The following ZNF783 variants were observed in gnomAD, a reference collection of about 807,000 sequenced individuals.
The protein encoded by ZNF783 is zinc finger protein 783.
In ZNF783, 25 loss-of-function variants were observed where a neutral mutation model predicts 31.3. That is an observed-to-expected ratio of 0.80 (90% CI 0.58 to 1.11). The LOEUF (loss-of-function observed/expected upper bound fraction) is 1.11, where lower values mean the gene tolerates loss of function less well. Among genes scored for constraint, ZNF783 ranks in the 50% most tolerant of loss-of-function variants. The probability of loss-of-function intolerance (pLI) is 0.00; values close to 1 mark genes in which losing one functional copy is unlikely to be tolerated. For missense variants in ZNF783, 797 were observed against 760.0 expected (o/e 1.05, Z -0.57); for synonymous variants, 369 against 319.1 (o/e 1.16, Z -1.66).
At chr7:149,276,688 T>TATTTA in intron 4 of ZNF783, 1 of 870,328 alleles carries the variant, frequency 1.1e-6, no homozygotes, top group Non-Finnish European at 1.4e-6. Context: ...TTTATTTATT[T>TATTTA]GAGACAGGGT....
At chr7:149,272,387 A>G (rs1323661438) in intron 4 of ZNF783, among the ~76,000 whole-genome samples, 1 of 152,162 alleles carries the variant, frequency 6.6e-6, no homozygotes, top group Non-Finnish European at 1.5e-5. Context: ...TTATTTGGGG[A>G]GAATTTATCT....
Position 149,266,399 on chromosome 7 carries a change from C to A in ZNF783, c.89C>A (p.Ala30Asp), listed in dbSNP as rs1228268280. ...TCGACACCCTTGCCCCAGCCAGCTG[C>A]TGAGAAGAACTCGTACCTCTACTCC... Reference protein sequence around the residue: ...SPSTPLPQPAAEKNSYLYSTE... With the variant: ...SPSTPLPQPADEKNSYLYSTE... Residue 30 changes from alanine (A) to aspartate (D), a missense_variant, in exon 2 of 6, where the codon GCT becomes GAT. Transcript: ENST00000434415. 7 of 1,600,398 alleles carry A rather than the reference C, an allele frequency of 4.4e-6. No individual in the cohort carries two copies. The South Asian group carries it at 7.7e-5, about 18-fold the overall frequency.
chr7:149,265,333 A>G (rs1296823711), intron 1 of ZNF783, among the ~76,000 whole-genome samples: 3 of 151,402 alleles, frequency 2.0e-5, no homozygotes, highest in African/African-American at 7.3e-5. Context: ...CTGAAGGACA[A>G]TGGAATAAAA....
At chr7:149,265,655 A>G (rs769301051) in intron 1 of ZNF783, among the ~76,000 whole-genome samples, 6 of 152,224 alleles carry the variant, frequency 3.9e-5, no homozygotes, top group Non-Finnish European at 7.4e-5. Context: ...GCTTCAGCAG[A>G]TGGATATTGA....
chr7:149,267,186 G>A lies in ZNF783; in HGVS notation c.637G>A (p.Glu213Lys), dbSNP rs1425035467. ...LDRWGQEKGN[E>K]VEVGRPRMMG... ...CCGGTGGGGCCAGGAGAAGGGGAAT[G>A]AAGTAGAGGTGGGACGTCCAAGGAT... Residue 213 changes from glutamate (E) to lysine (K), a missense_variant, in exon 4 of 6, where the codon GAA (glutamate) becomes AAA (lysine). By Grantham distance (56) the Glu-to-Lys change is moderately conservative (BLOSUM62 1). Transcript: ENST00000434415. 1.3e-6 allele frequency: 2 copies of A among 1,599,006 alleles called. No individual in the cohort carries two copies. Among genetic ancestry groups the A allele is most frequent in the Non-Finnish European group, 8.5e-7 (1 of 1,179,536 alleles).
At chr7:149,268,020 C>T (rs565359603) in intron 4 of ZNF783, among the ~76,000 whole-genome samples, 15 of 152,332 alleles carry the variant, frequency 9.8e-5, no homozygotes, top group Non-Finnish European at 1.6e-4. Flanking sequence ...GTATATAGGA[C>T]AGTGGTTCCA....
intron 5 of ZNF783, 94 bp from the exon 6 acceptor site, chr7:149,281,410 GC>G: frequency 1.7e-6 from 2 of 1,149,230 alleles, no homozygotes; most frequent in Non-Finnish European, 2.3e-6. Flanking sequence ...GGGAGATAGG[GC>G]CCGGGCTGAG....
chr7:149,268,072 T>C (rs2129524838), intron 4 of ZNF783, among the ~76,000 whole-genome samples: 1 of 152,302 alleles, frequency 6.6e-6, no homozygotes, highest in African/African-American at 2.4e-5. Flanking sequence ...GCTTTATTTT[T>C]TCAATTAAAT....
chr7:149,278,574 G>A (rs1382071578), intron 5 of ZNF783, 47 bp downstream of exon 5: 2 of 1,596,518 alleles, frequency 1.3e-6, no homozygotes, highest in Non-Finnish European at 1.7e-6. Context: ...TCCCGAGGCA[G>A]CACGCGATCA....
intron 4 of ZNF783, among the ~76,000 whole-genome samples, chr7:149,274,728 TG>T (rs1236064530): frequency 1.3e-5 from 2 of 152,252 alleles, no homozygotes; most frequent in African/African-American, 4.8e-5. Context: ...GGTTTATTTC[TG>T]GGTTCCCTCT....
At chr7:149,278,586 C>G in intron 5 of ZNF783, 59 bp downstream of exon 5, 1 of 1,593,514 alleles carries the variant, frequency 6.3e-7, no homozygotes, top group African/African-American at 1.3e-5. Flanking sequence ...ACGCGATCAC[C>G]AAGCGATGGT....
chr7:149,275,245 C>T (rs1003608122), intron 4 of ZNF783, among the ~76,000 whole-genome samples: 14 of 151,378 alleles, frequency 9.2e-5, no homozygotes, highest in Non-Finnish European at 2.1e-4. Context: ...TATATTGATT[C>T]CGTATGCTGC....
chr7:149,265,578 T>A (rs138196501), intron 1 of ZNF783, among the ~76,000 whole-genome samples: 2 of 152,310 alleles, frequency 1.3e-5, no homozygotes, highest in African/African-American at 4.8e-5. Context: ...TTATGAGGGC[T>A]CTGCCTTCAT....
rs1797514827 is a variant in ZNF783 at position 149,282,956 on chromosome 7, G to GGTTTTTT, written c.*614_*620dup. ...ACGTCCACCAGCCTGTGGGTCTTTT[G>GGTTTTTT]GTTTTTTTTTTGTTGTTGTTGTTGT... On this transcript the variant is annotated 3_prime_UTR_variant, in exon 6 of 6. Coordinates refer to ENST00000434415, the MANE Select transcript of ZNF783 (RefSeq NM_001195220.2). 9 of 106,130 alleles carry GGTTTTTT rather than the reference G, an allele frequency of 8.5e-5. No homozygotes were observed. Among genetic ancestry groups the GGTTTTTT allele is most frequent in the South Asian group, 3.2e-4 (1 of 3,100 alleles). 6.6% of individuals were successfully genotyped at this position (106,130 alleles called of 1,614,324 possible).
At chr7:149,268,356 G>A (rs1476230092) in intron 4 of ZNF783, among the ~76,000 whole-genome samples, 1 of 151,798 alleles carries the variant, frequency 6.6e-6, no homozygotes, top group East Asian at 1.9e-4. Context: ...TTTTACATTT[G>A]GTTTACGTCT....
Position 149,281,759 on chromosome 7 carries a change from G to C in ZNF783, c.1057G>C (p.Asp353His). ...GCGGCAGCGGGCATTCCCCTGCCCC[G>C]ACTGCGGGCAGAGCTTCCGCCTGAA... ...RRRQRAFPCP[D>H]CGQSFRLKIN... The change falls in exon 6 of 6, where the codon GAC becomes CAC. Residue 353 changes from aspartate to histidine, a missense_variant. Transcript: ENST00000434415. 1 of 1,494,014 alleles carries C rather than the reference G, an allele frequency of 6.7e-7. No individual in the cohort carries two copies. The highest frequency in any genetic ancestry group is 8.8e-7 in the Non-Finnish European group (1 of 1,130,516). 92.5% of individuals were successfully genotyped at this position (1,494,014 alleles called of 1,614,324 possible).
At chr7:149,266,235 A>T in intron 1 of ZNF783, 100 bp from the exon 2 acceptor site, 3 of 1,373,252 alleles carry the variant, frequency 2.2e-6, no homozygotes, top group Non-Finnish European at 2.9e-6. Flanking sequence ...CCCAGATGGG[A>T]CTTTACCATG....
intron 4 of ZNF783, among the ~76,000 whole-genome samples, chr7:149,268,199 T>A (rs529161529): frequency 7.2e-5 from 11 of 152,344 alleles, no homozygotes; most frequent in African/African-American, 2.6e-4. Context: ...TCCTGAACAA[T>A]GACCACATAC....
chr7:149,282,030 G>A lies in ZNF783; in HGVS notation c.1328G>A (p.Arg443His), dbSNP rs769929691. The A allele has an allele frequency of 6.3e-7, 1 of 1,588,686 alleles. No individual in the cohort carries two copies. The highest frequency in any genetic ancestry group is 8.5e-7 in the Non-Finnish European group (1 of 1,175,492). Residue 443 changes from arginine (R) to histidine (H), a missense_variant, in exon 6 of 6, where the codon CGC becomes CAC. Arg to His is a conservative substitution (Grantham distance 29). Transcript: ENST00000434415. The stretch of plus-strand genomic sequence containing the variant: ...ATGTACCACTGCAGCGAGTGCCTGC[G>A]CTTCTTCCAGCAGCGCAAGAGCCTG... Reference protein sequence around the residue: ...SKMYHCSECLRFFQQRKSLLL... With the variant: ...SKMYHCSECLHFFQQRKSLLL...
Sources: allele counts gnomAD v4.1 joint callset (sites outside exome capture counted in the v4.1 genomes callset), GRCh38; gene constraint gnomAD v4.1.1; transcripts MANE v1.5; gene names NCBI Gene and HGNC (gene_info 2026-07-23, HGNC 2026-07-21).